DLGAP1: variants seen among roughly 807,000 people sequenced by gnomAD.
The protein encoded by DLGAP1 is disks large-associated protein 1.
A neutral mutation model predicts 90.8 loss-of-function variants in DLGAP1; 11 were observed. The ratio of observed to expected loss-of-function variants is 0.12; its 90% confidence interval spans 0.08 to 0.20. The LOEUF is 0.20. DLGAP1 is among the 10% of genes least tolerant of loss of function. The pLI, the probability that DLGAP1 is intolerant of heterozygous loss-of-function variation, is 1.00. For synonymous variants in DLGAP1, 558 were observed against 540.7 expected, an observed-to-expected ratio of 1.03 and a Z score of -0.44; for missense variants, 1,050 against 1,333.8, an observed-to-expected ratio of 0.79 and a Z score of 3.31.
rs373042491 is a variant in DLGAP1 at position 4,424,594 on chromosome 18, G to A, written c.-267+30412C>T. Among the ~76,000 whole-genome samples the A allele has an allele frequency of 3.7e-4, 56 of 152,110 alleles. No homozygotes were observed. In the South Asian group the frequency reaches 6.4e-3, roughly 18 times the overall value. The stretch of plus-strand genomic sequence containing the variant: ...TTTATATCACAGTCTCTTAAAATTC[G>A]TTTTTCTTTAAAACCATCTGGGAAT... On this transcript the variant is annotated intron_variant, in intron 1 of 12. Transcript: ENST00000315677.
intron 2 of DLGAP1, among the ~76,000 whole-genome samples, chr18:4,014,441 T>G (rs530039744): frequency 1.7e-4 from 26 of 152,272 alleles, no homozygotes; most frequent in African/African-American, 5.8e-4. Context: ...TCAAGGGGTA[T>G]GAAAGTACAG....
intron 3 of DLGAP1, among the ~76,000 whole-genome samples, chr18:3,935,268 TAG>T (rs2072608743): frequency 6.6e-6 from 1 of 152,060 alleles, no homozygotes; most frequent in Admixed American, 6.6e-5. Flanking sequence ...CTTAGGAAAA[TAG>T]AGAGAAAGAA....
At chr18:3,668,690 CA>C (rs1159806808) in intron 7 of DLGAP1, among the ~76,000 whole-genome samples, 1 of 152,140 alleles carries the variant, frequency 6.6e-6, no homozygotes, top group East Asian at 1.9e-4. Flanking sequence ...CAAATAGACG[CA>C]CCATAAATGA....
chr18:3,854,321 T>C (rs2069507663), intron 4 of DLGAP1, among the ~76,000 whole-genome samples: 1 of 152,176 alleles, frequency 6.6e-6, no homozygotes, highest in Admixed American at 6.5e-5. Context: ...ACTTCAACAA[T>C]GAGATATTGG....
intron 2 of DLGAP1, among the ~76,000 whole-genome samples, chr18:4,007,073 G>A (rs1341200100): frequency 2.0e-5 from 3 of 152,198 alleles, no homozygotes; most frequent in African/African-American, 7.2e-5. Flanking sequence ...AACTATCAAT[G>A]TAGCGCCTGG....
rs1302192344 is a variant in DLGAP1 at position 3,562,045 on chromosome 18, G to C, written c.2057+5445C>G. ...AGTTTGAGACCAGCCTGGCCAACAT[G>C]GTGAAACCCTGTCTCTACTAAAAAT... On this transcript the variant is annotated intron_variant, in intron 9 of 12. Coordinates refer to ENST00000315677, the MANE Select transcript of DLGAP1 (RefSeq NM_004746.4). 4.8e-5 allele frequency among the ~76,000 whole-genome samples: 7 copies of C among 146,476 alleles called. 1 individual carries two copies. The highest frequency in any genetic ancestry group is 4.2e-4 in the South Asian group (2 of 4,742).
chr18:4,022,786 T>A (rs916133602), intron 2 of DLGAP1, among the ~76,000 whole-genome samples: 2 of 145,910 alleles, frequency 1.4e-5, no homozygotes, highest in Non-Finnish European at 3.0e-5. Context: ...ATAGCTCTGT[T>A]AGATTATATT....
At position 3,497,465 on chromosome 18, in the gene DLGAP1, T is replaced by C. The variant is rs1004261432; in HGVS notation, c.*1720A>G. 1 of 152,188 alleles carries C rather than the reference T, an allele frequency of 6.6e-6. No homozygotes were observed. The highest frequency in any genetic ancestry group is 2.4e-5 in the African/African-American group (1 of 41,448). The allele number at this position is 152,188 out of a possible 1,614,324, so 9.4% of individuals were successfully genotyped here. On this transcript the variant is annotated 3_prime_UTR_variant, in exon 13 of 13. Transcript: ENST00000315677. ...GATGGCTCTGAGAGGTAGCGAATTCTCTAGTGGTTTTAGAATATGTCCGTG... is the reference window on the plus strand; with the variant it reads ...GATGGCTCTGAGAGGTAGCGAATTCCCTAGTGGTTTTAGAATATGTCCGTG...
intron 2 of DLGAP1, among the ~76,000 whole-genome samples, chr18:4,091,360 T>C (rs1277291308): frequency 6.6e-6 from 1 of 152,228 alleles, no homozygotes; most frequent in Non-Finnish European, 1.5e-5. Flanking sequence ...GATTTCTTTT[T>C]CTATTTATAT....
chr18:4,157,461 T>C (rs8097880), intron 1 of DLGAP1, among the ~76,000 whole-genome samples: 4,764 of 152,278 alleles, frequency 0.031, 246 homozygotes, highest in African/African-American at 0.11. Context: ...AGTTTCCACT[T>C]TCTTTGCAAA....
chr18:3,888,728 T>C (rs1305357289), intron 3 of DLGAP1, among the ~76,000 whole-genome samples: 1 of 152,214 alleles, frequency 6.6e-6, no homozygotes, highest in Non-Finnish European at 1.5e-5. Context: ...TAATAGGTCA[T>C]TATTGATATT....
At chr18:3,670,621 T>A (rs1327154101) in intron 7 of DLGAP1, among the ~76,000 whole-genome samples, 1 of 152,188 alleles carries the variant, frequency 6.6e-6, no homozygotes, top group Non-Finnish European at 1.5e-5. Flanking sequence ...AAGCCTAAAG[T>A]GAAAATTCAA....
At chr18:3,728,924 G>A (rs1203179809) in intron 7 of DLGAP1, among the ~76,000 whole-genome samples, 1 of 152,166 alleles carries the variant, frequency 6.6e-6, no homozygotes, top group Non-Finnish European at 1.5e-5. Flanking sequence ...TTCCCCTGTG[G>A]ATGCCAGAGA....
At position 3,600,716 on chromosome 18, in the gene DLGAP1, A is replaced by ATATC. The variant is rs1491385080; in HGVS notation, c.1592-18469_1592-18468insGATA. On this transcript the variant is annotated intron_variant, in intron 7 of 12. Transcript: ENST00000315677. ...TATATAGATATCTATAGCTATATAG[A>ATATC]TATAGAGATATAGATATATATAGAT... 6.6e-4 allele frequency among the ~76,000 whole-genome samples: 48 copies of ATATC among 72,804 alleles called. 1 individual carries two copies. Among genetic ancestry groups the ATATC allele is most frequent in the Admixed American group, 1.1e-3 (7 of 6,578 alleles). The allele number at this position is 72,804 out of a possible 152,430, so 47.8% of individuals were successfully genotyped here.
intron 4 of DLGAP1, among the ~76,000 whole-genome samples, chr18:3,835,604 G>A (rs1033425128): frequency 5.4e-5 from 8 of 149,112 alleles, no homozygotes; most frequent in African/African-American, 1.7e-4. Flanking sequence ...AGCCAAGATC[G>A]CGTCATTGCA....
intron 10 of DLGAP1, among the ~76,000 whole-genome samples, chr18:3,523,448 C>T (rs1232917300): frequency 6.6e-6 from 1 of 151,538 alleles, no homozygotes; most frequent in Non-Finnish European, 1.5e-5. Context: ...TATTTGCAAA[C>T]CACATAACCA....
intron 3 of DLGAP1, among the ~76,000 whole-genome samples, chr18:3,971,553 G>A (rs1029200825): frequency 1.3e-5 from 2 of 152,056 alleles, no homozygotes; most frequent in African/African-American, 4.8e-5. Flanking sequence ...AAAAAGTATT[G>A]GTATGTGTAA....
chr18:3,814,718 C>T (rs775664186), intron 4 of DLGAP1, among the ~76,000 whole-genome samples: 5 of 152,240 alleles, frequency 3.3e-5, no homozygotes, highest in African/African-American at 4.8e-5. Context: ...TACAAGCATA[C>T]GATGTGTAAT....
chr18:3,585,983 C>T (rs1025694377), intron 7 of DLGAP1, among the ~76,000 whole-genome samples: 1 of 152,168 alleles, frequency 6.6e-6, no homozygotes, highest in Admixed American at 6.5e-5. Flanking sequence ...TCCTACACTC[C>T]CCAGGCCAAC....
Sources: allele counts gnomAD v4.1 joint callset (sites outside exome capture counted in the v4.1 genomes callset), GRCh38; gene constraint gnomAD v4.1.1; transcripts MANE v1.5; gene names NCBI Gene and HGNC (gene_info 2026-07-23, HGNC 2026-07-21).